Variants in TMEM117 observed in about 807,000 individuals in gnomAD.
The protein encoded by TMEM117 is transmembrane protein 117.
A neutral mutation model predicts 52.4 loss-of-function variants in TMEM117; 27 were observed. The ratio of observed to expected loss-of-function variants is 0.51; its 90% CI spans 0.38 to 0.71. The LOEUF (loss-of-function observed/expected upper bound fraction) is 0.71, where lower values mean the gene tolerates loss of function less well. TMEM117 is among the 30% of genes least tolerant of loss of function. TMEM117 has a pLI of 0.00. For missense variants in TMEM117, 556 were observed against 630.5 expected (o/e 0.88, Z 1.26); for synonymous variants, 215 against 206.3 (o/e 1.04, Z -0.36).
chr12:43,798,298 A>T, the TMEM117 span, among the ~76,000 whole-genome samples: 1 of 152,178 alleles, frequency 6.6e-6, no homozygotes, highest in Non-Finnish European at 1.5e-5. Context: ...TCAACAAGTT[A>T]TACTACTGCA....
At chr12:44,007,481 C>CT (rs1946217859) in intron 3 of TMEM117, among the ~76,000 whole-genome samples, 1 of 151,912 alleles carries the variant, frequency 6.6e-6, no homozygotes, top group Non-Finnish European at 1.5e-5. Context: ...AGAATTCTAG[C>CT]TTTTTTCAAG....
intron 5 of TMEM117, among the ~76,000 whole-genome samples, chr12:44,282,102 T>C (rs566099143): frequency 4.7e-4 from 71 of 152,044 alleles, no homozygotes; most frequent in East Asian, 4.6e-3. Context: ...TTTTGCTTCT[T>C]TCTCATTTTT....
intron 4 of TMEM117, among the ~76,000 whole-genome samples, chr12:44,175,327 T>C (rs1241184995): frequency 6.6e-6 from 1 of 151,858 alleles, no homozygotes; most frequent in South Asian, 2.1e-4. Context: ...GAGTTGAAAA[T>C]AGGGAGGAAG....
intron 2 of TMEM117, among the ~76,000 whole-genome samples, chr12:43,904,747 C>T (rs4609659): frequency 0.72 from 109,105 of 152,188 alleles, 42,224 homozygotes; most frequent in East Asian, 0.87. Context: ...ATTCTCTGTA[C>T]GCAAGAAAAC....
chr12:44,189,131 C>T lies in TMEM117; in HGVS notation c.511-22159C>T, dbSNP rs551257442. ...ACTAGATTATTATTAACTATAGTCA[C>T]CCTATTGATCTGTCAAACAATATGT... On this transcript the variant is annotated intron_variant, in intron 4 of 7. Transcript: ENST00000266534. 2.0e-5 allele frequency among the ~76,000 whole-genome samples: 3 copies of T among 152,138 alleles called. No homozygotes were observed. The South Asian group carries it at 6.2e-4, about 32-fold the overall frequency.
At chr12:43,953,332 C>T (rs1430945138) in intron 3 of TMEM117, among the ~76,000 whole-genome samples, 1 of 152,052 alleles carries the variant, frequency 6.6e-6, no homozygotes, top group Non-Finnish European at 1.5e-5. Context: ...AGGCTAAATG[C>T]CCCATTAAAA....
At chr12:43,907,178 G>T (rs1000236209) in intron 2 of TMEM117, among the ~76,000 whole-genome samples, 54 of 152,206 alleles carry the variant, frequency 3.5e-4, no homozygotes, top group Middle Eastern at 3.2e-3. Context: ...CCTCAAGTGG[G>T]TCCCTGACCC....
rs558206570 is a variant in TMEM117, at chr12:44,023,530, G to A, written c.410+79188G>A. On this transcript the variant is annotated intron_variant, in intron 3 of 7. Coordinates refer to ENST00000266534, the MANE Select transcript of TMEM117 (RefSeq NM_032256.3). Reference sequence around the variant, plus strand: ...ATGATCACCATTCTAACTGGTGTGAGATGGTATCTCATTGTGGTTTTGATT... The same window carrying A: ...ATGATCACCATTCTAACTGGTGTGAAATGGTATCTCATTGTGGTTTTGATT... Among the ~76,000 whole-genome samples, 4 of 152,236 alleles carry A rather than the reference G, an allele frequency of 2.6e-5. No homozygotes were observed. The South Asian group carries it at 8.3e-4, about 32-fold the overall frequency.
intron 3 of TMEM117, among the ~76,000 whole-genome samples, chr12:44,128,917 C>T (rs941536975): frequency 9.2e-5 from 14 of 152,108 alleles, no homozygotes; most frequent in East Asian, 3.9e-4. Flanking sequence ...AAGTTATACC[C>T]GCCCAGTCAA....
chr12:44,111,063 C>T (rs1948047422), intron 3 of TMEM117, among the ~76,000 whole-genome samples: 1 of 8,414 alleles, frequency 1.2e-4, no homozygotes, highest in Non-Finnish European at 1.8e-4. Flanking sequence ...TCCCCTTTTT[C>T]ATTTTTTATT....
intron 5 of TMEM117, among the ~76,000 whole-genome samples, chr12:44,218,851 CT>C (rs1158271040): frequency 2.0e-5 from 3 of 152,194 alleles, no homozygotes; most frequent in African/African-American, 7.2e-5. Context: ...TTAATCCACA[CT>C]GCCACTCTTC....
intron 5 of TMEM117, among the ~76,000 whole-genome samples, chr12:44,298,461 A>G (rs1950796618): frequency 6.6e-6 from 1 of 150,454 alleles, no homozygotes; most frequent in Admixed American, 6.6e-5. Flanking sequence ...CTAGCCATCA[A>G]TATAGCCCTG....
chr12:44,231,543 T>C (rs183371675), intron 5 of TMEM117, among the ~76,000 whole-genome samples: 1 of 151,934 alleles, frequency 6.6e-6, no homozygotes, highest in Admixed American at 6.6e-5. Flanking sequence ...CTTCACTAGA[T>C]AATCTCTACA....
chr12:44,120,496 A>G (rs1948215570), intron 3 of TMEM117, among the ~76,000 whole-genome samples: 1 of 152,192 alleles, frequency 6.6e-6, no homozygotes, highest in Non-Finnish European at 1.5e-5. Context: ...CCTTGCTCAC[A>G]GCTCCAGGAG....
chr12:44,163,371 T>C (rs1219674048), intron 4 of TMEM117, among the ~76,000 whole-genome samples: 1 of 152,206 alleles, frequency 6.6e-6, no homozygotes, highest in Non-Finnish European at 1.5e-5. Context: ...TATTTTATTT[T>C]ATTTTTCCAG....
At chr12:43,979,859 A>G (rs950448902) in intron 3 of TMEM117, among the ~76,000 whole-genome samples, 4 of 152,158 alleles carry the variant, frequency 2.6e-5, no homozygotes, top group African/African-American at 9.7e-5. Context: ...TGAGAGAGCT[A>G]TGTCAGGGGT....
chr12:44,256,512 A>G (rs1264637583), intron 5 of TMEM117, among the ~76,000 whole-genome samples: 1 of 152,114 alleles, frequency 6.6e-6, no homozygotes, highest in Non-Finnish European at 1.5e-5. Flanking sequence ...TATAAATAAT[A>G]CATGGATATT....
chr12:44,200,883 C>A (rs1291931403), intron 4 of TMEM117, among the ~76,000 whole-genome samples: 2 of 152,042 alleles, frequency 1.3e-5, no homozygotes, highest in African/African-American at 4.8e-5. Flanking sequence ...GCATGAGCCT[C>A]TTGGATACAG....
At chr12:43,796,185 A>G in the TMEM117 span, among the ~76,000 whole-genome samples, 1 of 152,174 alleles carries the variant, frequency 6.6e-6, no homozygotes, top group Non-Finnish European at 1.5e-5. Flanking sequence ...GGGTTGTTAA[A>G]CAACAATAAG....
Sources: gnomAD v4.1 joint callset for allele counts (sites outside exome capture counted in the v4.1 genomes callset) on GRCh38, gnomAD v4.1.1 for gene constraint, MANE v1.5 for transcripts, NCBI Gene and HGNC (gene_info 2026-07-23, HGNC 2026-07-21) for gene names.